Variants in B3GALT1 observed in about 807,000 individuals in gnomAD.
B3GALT1 encodes the protein UDP-Gal:betaGlcNAc beta 1,3-galactosyltransferase, polypeptide 1.
B3GALT1 carries 10 observed loss-of-function variants against 23.2 expected under a neutral mutation model. The ratio of observed to expected loss-of-function variants is 0.43; its 90% confidence interval spans 0.27 to 0.73. The LOEUF is 0.73. B3GALT1 is among the 30% of genes least tolerant of loss of function. The probability of loss-of-function intolerance (pLI) is 0.21; values close to 1 mark genes in which losing one functional copy is unlikely to be tolerated. For missense variants in B3GALT1, 299 were observed against 405.4 expected, an observed-to-expected ratio of 0.74 and a Z score of 2.25; for synonymous variants, 156 against 141.5, an observed-to-expected ratio of 1.10 and a Z score of -0.73.
At chr2:167,736,016 A>G (rs536843137) in intron 3 of B3GALT1, among the ~76,000 whole-genome samples, 1 of 152,202 alleles carries the variant, frequency 6.6e-6, no homozygotes, top group Non-Finnish European at 1.5e-5. Context: ...TCTGAAGCAA[A>G]CAATATTGAT....
intron 3 of B3GALT1, among the ~76,000 whole-genome samples, chr2:167,667,531 T>C (rs893829958): frequency 6.6e-6 from 1 of 152,206 alleles, no homozygotes; most frequent in African/African-American, 2.4e-5. Context: ...TCCTGGATAA[T>C]ATCCTGCAGA....
rs543292325 is a variant in B3GALT1 at position 167,761,750 on chromosome 2, A to G, written c.-351-56922A>G. Reference sequence around the variant, plus strand: ...AGTTCACCGTGTAGAAATAGAGATAAGAAATTGATTATCTTCCACTTCCAA... The same window carrying G: ...AGTTCACCGTGTAGAAATAGAGATAGGAAATTGATTATCTTCCACTTCCAA... On this transcript the variant is annotated intron_variant, in intron 3 of 4. Coordinates refer to ENST00000392690, the MANE Select transcript of B3GALT1 (RefSeq NM_020981.4). Among the ~76,000 whole-genome samples, 15 of 152,308 alleles carry G rather than the reference A, an allele frequency of 9.8e-5. No individual in the cohort carries two copies. In the South Asian group the frequency reaches 2.9e-3, roughly 29 times the overall value.
At chr2:167,318,999 T>C (rs1696762152) in intron 1 of B3GALT1, among the ~76,000 whole-genome samples, 1 of 152,118 alleles carries the variant, frequency 6.6e-6, no homozygotes, top group African/African-American at 2.4e-5. Context: ...GCCACTTCTA[T>C]TTATGTTGTG....
At chr2:167,309,623 C>G (rs1347640947) in intron 1 of B3GALT1, among the ~76,000 whole-genome samples, 1 of 151,996 alleles carries the variant, frequency 6.6e-6, no homozygotes, top group African/African-American at 2.4e-5. Context: ...TCTGTATTCT[C>G]TTTTGCTTTT....
intron 2 of B3GALT1, among the ~76,000 whole-genome samples, chr2:167,614,245 T>C (rs1258413463): frequency 6.6e-6 from 1 of 151,068 alleles, no homozygotes; most frequent in African/African-American, 2.4e-5. Flanking sequence ...TCCCACACTA[T>C]AGTATATGTC....
chr2:167,660,136 A>G lies in B3GALT1; in HGVS notation c.-352+13170A>G, dbSNP rs1245622753. Among the ~76,000 whole-genome samples, 4 of 152,100 alleles carry G rather than the reference A, an allele frequency of 2.6e-5. No individual in the cohort carries two copies. In the East Asian group the frequency reaches 7.7e-4, roughly 29 times the overall value. On this transcript the variant is annotated intron_variant, in intron 3 of 4. Transcript: ENST00000392690. ...AGGATGTTTTGGCAGGAAAATTTGA[A>G]GTTTATGCAGCATGTTTAGGAAGTG...
intron 1 of B3GALT1, among the ~76,000 whole-genome samples, chr2:167,438,011 A>G (rs1335545518): frequency 6.6e-6 from 1 of 152,258 alleles, no homozygotes; most frequent in Non-Finnish European, 1.5e-5. Flanking sequence ...GGCTAAAAAG[A>G]GTAGAAAGCA....
At chr2:167,686,541 C>G (rs936892880) in intron 3 of B3GALT1, among the ~76,000 whole-genome samples, 3 of 152,120 alleles carry the variant, frequency 2.0e-5, no homozygotes, top group African/African-American at 7.2e-5. Flanking sequence ...AATTCCTTCT[C>G]CTTGCTATAT....
At chr2:167,806,368 G>C (rs1688753482) in intron 3 of B3GALT1, among the ~76,000 whole-genome samples, 1 of 152,164 alleles carries the variant, frequency 6.6e-6, no homozygotes, top group Non-Finnish European at 1.5e-5. Flanking sequence ...ACACTATGTT[G>C]AATAGGAGTG....
intron 1 of B3GALT1, among the ~76,000 whole-genome samples, chr2:167,436,735 T>C (rs1227523793): frequency 6.6e-6 from 1 of 152,146 alleles, no homozygotes; most frequent in African/African-American, 2.4e-5. Context: ...GGGCTTCCAG[T>C]AGTCATCTAG....
intron 1 of B3GALT1, among the ~76,000 whole-genome samples, chr2:167,402,338 AC>A (rs1698205875): frequency 6.6e-6 from 1 of 152,122 alleles, no homozygotes; most frequent in African/African-American, 2.4e-5. Context: ...ATGTGGCAGA[AC>A]ACCATATTTT....
intron 3 of B3GALT1, among the ~76,000 whole-genome samples, chr2:167,790,978 G>A (rs1189960751): frequency 6.6e-6 from 1 of 152,010 alleles, no homozygotes; most frequent in Non-Finnish European, 1.5e-5. Context: ...GCCCTTTTAT[G>A]TTGATACGGC....
chr2:167,849,690 A>G (rs573484569), intron 4 of B3GALT1, among the ~76,000 whole-genome samples: 1 of 152,198 alleles, frequency 6.6e-6, no homozygotes, highest in South Asian at 2.1e-4. Flanking sequence ...GATCGAGACC[A>G]TCCTGGCTAA....
At chr2:167,847,515 A>C (rs186864032) in intron 4 of B3GALT1, among the ~76,000 whole-genome samples, 34 of 152,340 alleles carry the variant, frequency 2.2e-4, no homozygotes, top group African/African-American at 8.2e-4. Flanking sequence ...ATCAAGACAG[A>C]AATTTAAAAA....
intron 1 of B3GALT1, among the ~76,000 whole-genome samples, chr2:167,406,666 T>C (rs1373740356): frequency 6.6e-6 from 1 of 152,156 alleles, no homozygotes; most frequent in Non-Finnish European, 1.5e-5. Flanking sequence ...AAGGAAGAAA[T>C]ATCCCTGCGG....
At chr2:167,473,837 G>A (rs1699451789) in intron 1 of B3GALT1, among the ~76,000 whole-genome samples, 1 of 152,168 alleles carries the variant, frequency 6.6e-6, no homozygotes. Context: ...TCTACATGAT[G>A]TATCACATTT....
intron 3 of B3GALT1, among the ~76,000 whole-genome samples, chr2:167,718,873 G>T (rs1449956336): frequency 1.3e-5 from 2 of 152,164 alleles, no homozygotes; most frequent in African/African-American, 4.8e-5. Flanking sequence ...GCCTGCTTCA[G>T]GGGAGGACAA....
At chr2:167,324,820 T>A (rs1478140708) in intron 1 of B3GALT1, among the ~76,000 whole-genome samples, 1 of 152,114 alleles carries the variant, frequency 6.6e-6, no homozygotes, top group East Asian at 1.9e-4. Flanking sequence ...TCCGTCTTAC[T>A]ATATATTTGC....
chr2:167,579,448 CCA>C (rs1684444986), intron 2 of B3GALT1, among the ~76,000 whole-genome samples: 3 of 113,322 alleles, frequency 2.6e-5, no homozygotes, highest in South Asian at 2.8e-4. Context: ...TTTTTTTTTT[CCA>C]TTTAAATTCT....
Sources: allele counts gnomAD v4.1 joint callset (sites outside exome capture counted in the v4.1 genomes callset), GRCh38; gene constraint gnomAD v4.1.1; transcripts MANE v1.5; gene names NCBI Gene and HGNC (gene_info 2026-07-23, HGNC 2026-07-21).